Variants in GRB10 observed in about 807,000 individuals in gnomAD.
GRB10 encodes the protein growth factor receptor-bound protein 10.
GRB10 carries 20 observed loss-of-function variants against 80.9 expected under a neutral mutation model. That is an observed-to-expected ratio of 0.25 (90% confidence interval 0.17 to 0.36). GRB10 has a LOEUF of 0.36. Among genes scored for constraint, GRB10 ranks in the 10% least tolerant of loss-of-function variants. The pLI is 1.00. For synonymous variants in GRB10, 291 were observed against 291.5 expected, an observed-to-expected ratio of 1.00 and a Z score of 0.02; for missense variants, 548 against 747.7, an observed-to-expected ratio of 0.73 and a Z score of 3.12.
chr7:50,781,438 A>G (rs2078265022), intron 1 of GRB10: 1 of 152,298 alleles, frequency 6.6e-6, no homozygotes, highest in Admixed American at 6.5e-5. Flanking sequence ...ACATCAAAGG[A>G]GCAGAGACAC....
chr7:50,670,904 A>G (rs1284176355), intron 6 of GRB10, among the ~76,000 whole-genome samples: 3 of 152,324 alleles, frequency 2.0e-5, no homozygotes, highest in East Asian at 1.9e-4. Flanking sequence ...CGCTGAATCC[A>G]CACACCACCT....
intron 4 of GRB10, chr7:50,727,134 A>C (rs1277100747): frequency 1.3e-5 from 2 of 152,248 alleles, no homozygotes; most frequent in Non-Finnish European, 2.9e-5. Flanking sequence ...GCTGAAGACA[A>C]GGGAAGTAAA....
At chr7:50,682,421 A>T (rs2061647115) in intron 5 of GRB10, among the ~76,000 whole-genome samples, 1 of 152,220 alleles carries the variant, frequency 6.6e-6, no homozygotes, top group Non-Finnish European at 1.5e-5. Context: ...AGGCAGGGTC[A>T]GAGCCATGAT....
chr7:50,645,288 C>T (rs769642888), intron 7 of GRB10, among the ~76,000 whole-genome samples: 3 of 152,120 alleles, frequency 2.0e-5, no homozygotes, highest in Non-Finnish European at 4.4e-5. Flanking sequence ...AAAGGCAAAA[C>T]AGAAACTATG....
intron 5 of GRB10, among the ~76,000 whole-genome samples, chr7:50,693,580 T>C (rs1416580606): frequency 6.6e-6 from 1 of 152,198 alleles, no homozygotes; most frequent in East Asian, 1.9e-4. Flanking sequence ...TTGTGTAGGA[T>C]GTCTCCAACT....
rs527936930 is a variant in GRB10, at chr7:50,642,456, TCATA to T, written c.505-15482_505-15479del. Among the ~76,000 whole-genome samples, 272 of 152,292 alleles carry T rather than the reference TCATA, an allele frequency of 1.8e-3. 1 individual carries two copies. Among genetic ancestry groups the T allele is most frequent in the African/African-American group, 6.4e-3 (267 of 41,564 alleles). ...ACACACATGCACATATACACATGCT[TCATA>T]CATACATATACATATACACATAAAT... On this transcript the variant is annotated intron_variant, in intron 7 of 18. Coordinates refer to ENST00000401949, the MANE Select transcript of GRB10 (RefSeq NM_001350814.2).
chr7:50,605,154 C>A, intron 15 of GRB10, 136 bp downstream of exon 15: 7 of 471,976 alleles, frequency 1.5e-5, no homozygotes, highest in South Asian at 1.4e-4. Flanking sequence ...CTGCTTCCTG[C>A]AGCTGAGAAC....
chr7:50,617,503 C>T lies in GRB10; in HGVS notation c.846+568G>A, dbSNP rs1341776108. Among the ~76,000 whole-genome samples the T allele has an allele frequency of 2.6e-5, 4 of 152,144 alleles. No individual in the cohort carries two copies. The East Asian group carries it at 7.7e-4, about 29-fold the overall frequency. ...TGTGTGTGAGAGCTGGGCACAGAGG[C>T]CCTGGTGGCTCCCTCCACTGGAAGA... On this transcript the variant is annotated intron_variant, in intron 10 of 18. Coordinates refer to ENST00000401949, the MANE Select transcript of GRB10 (RefSeq NM_001350814.2).
rs1163376843 is a variant in GRB10 at position 50,703,816 on chromosome 7, C to T, written c.139+5G>A. ...GAGTGTTCTTGTGTTTTGCTCATTC[C>T]TTACCCTGGTGATTCGCAAGTCGGT... On this transcript the variant is annotated splice_donor_5th_base_variant and intron_variant, in intron 5 of 18. Coordinates refer to ENST00000401949, the MANE Select transcript of GRB10 (RefSeq NM_001350814.2). 6.2e-7 allele frequency: 1 copy of T among 1,610,514 alleles called. No individual in the cohort carries two copies. Among genetic ancestry groups the T allele is most frequent in the Admixed American group, 1.7e-5 (1 of 59,974 alleles).
intron 3 of GRB10, 75 bp from the exon 4 acceptor site, chr7:50,732,443 T>C: frequency 1.1e-6 from 1 of 892,712 alleles, no homozygotes; most frequent in Non-Finnish European, 1.8e-6. Flanking sequence ...CTGGTTCAAG[T>C]GTGACATGTC....
rs140170033 is a variant in GRB10, at chr7:50,722,879, T to C, written c.51+9393A>G. ...CCCACCTTAGGTAAAGATAGCGCTC[T>C]CAGGATTAAGTTGTTTCTCTAGATG... is the stretch of plus-strand genomic sequence containing the variant. On this transcript the variant is annotated intron_variant, in intron 4 of 18. Coordinates refer to ENST00000401949, the MANE Select transcript of GRB10 (RefSeq NM_001350814.2). Among the ~76,000 whole-genome samples, 451 of 152,228 alleles carry C rather than the reference T, an allele frequency of 3.0e-3. 2 individuals carry two copies. The highest frequency in any genetic ancestry group is 0.01 in the African/African-American group (427 of 41,526).
intron 7 of GRB10, among the ~76,000 whole-genome samples, chr7:50,648,787 G>A (rs2529421): frequency 0.41 from 62,807 of 151,994 alleles, 13,080 homozygotes; most frequent in Admixed American, 0.45. Flanking sequence ...GTTTGAAGTA[G>A]TCCCAGGTCC....
intron 12 of GRB10, among the ~76,000 whole-genome samples, chr7:50,613,622 G>A (rs114037421): frequency 0.015 from 2,263 of 152,276 alleles, 44 homozygotes; most frequent in African/African-American, 0.053. Flanking sequence ...CCCTGCGCTC[G>A]GCTGGTGCTA....
chr7:50,605,542 T>G, intron 14 of GRB10, 136 bp from the exon 15 acceptor site: 1 of 789,420 alleles, frequency 1.3e-6, no homozygotes, highest in South Asian at 1.4e-5. Context: ...TCCCCAAGTT[T>G]CAGGTGGGAA....
At chr7:50,730,055 T>A (rs2069390072) in intron 4 of GRB10, among the ~76,000 whole-genome samples, 1 of 152,168 alleles carries the variant, frequency 6.6e-6, no homozygotes, top group Admixed American at 6.5e-5. Flanking sequence ...AACCCTTTTC[T>A]ACCAAAACTT....
intron 1 of GRB10, among the ~76,000 whole-genome samples, chr7:50,789,313 G>A (rs2078817302): frequency 6.6e-6 from 1 of 152,180 alleles, no homozygotes; most frequent in East Asian, 1.9e-4. Flanking sequence ...CTAAGACAAG[G>A]CTGACGGCAA....
At chr7:50,694,636 A>G (rs1449221938) in intron 5 of GRB10, among the ~76,000 whole-genome samples, 1 of 152,126 alleles carries the variant, frequency 6.6e-6, no homozygotes, top group Non-Finnish European at 1.5e-5. Flanking sequence ...TCACCTACCC[A>G]CAGGCTGGCA....
intron 4 of GRB10, among the ~76,000 whole-genome samples, chr7:50,721,572 C>G (rs1435000846): frequency 6.6e-6 from 1 of 152,252 alleles, no homozygotes; most frequent in South Asian, 2.1e-4. Context: ...CCTTCTTGCT[C>G]TGCTGGCCCA....
At chr7:50,753,979 C>T (rs905072925) in intron 3 of GRB10, among the ~76,000 whole-genome samples, 1 of 152,162 alleles carries the variant, frequency 6.6e-6, no homozygotes, top group Non-Finnish European at 1.5e-5. Flanking sequence ...AAAGAAAACT[C>T]GTCCCAAATC....
Sources: allele counts gnomAD v4.1 joint callset (sites outside exome capture counted in the v4.1 genomes callset), GRCh38; gene constraint gnomAD v4.1.1; transcripts MANE v1.5; gene names NCBI Gene and HGNC (gene_info 2026-07-23, HGNC 2026-07-21).